Variants in RIPOR2 observed in about 807,000 individuals in gnomAD.
The protein encoded by RIPOR2 is rho family-interacting cell polarization regulator 2.
In RIPOR2, 39 loss-of-function variants were observed where a neutral mutation model predicts 114.5. That is an observed-to-expected ratio of 0.34 (90% CI 0.26 to 0.44). The LOEUF is 0.44. Among genes scored for constraint, RIPOR2 ranks in the 20% least tolerant of loss-of-function variants. The probability of loss-of-function intolerance (pLI) is 1.00; values close to 1 mark genes in which losing one functional copy is unlikely to be tolerated. For synonymous variants in RIPOR2, 445 were observed against 484.4 expected, an observed-to-expected ratio of 0.92 and a Z score of 1.07; for missense variants, 1,007 against 1,255.1, an observed-to-expected ratio of 0.80 and a Z score of 2.99.
chr6:24,873,063 T>G (rs904270458), intron 3 of RIPOR2, 104 bp from the exon 4 acceptor site: 4 of 772,828 alleles, frequency 5.2e-6, no homozygotes, highest in African/African-American at 5.1e-5. Flanking sequence ...GAATTGAACC[T>G]TGCTCTGTAG....
At chr6:24,952,811 T>C (rs542421157) in intron 1 of RIPOR2, among the ~76,000 whole-genome samples, 1 of 152,358 alleles carries the variant, frequency 6.6e-6, no homozygotes, top group South Asian at 2.1e-4. Flanking sequence ...ATGTATGCTG[T>C]TTGCTTTACA....
At position 24,873,690 on chromosome 6, in the gene RIPOR2, G is replaced by T; in HGVS notation, c.298C>A (p.Pro100Thr). 1 of 1,613,696 alleles carries T rather than the reference G, an allele frequency of 6.2e-7. No individual in the cohort carries two copies. The highest frequency in any genetic ancestry group is 8.5e-7 in the Non-Finnish European group (1 of 1,179,770). Residue 100 changes from proline to threonine, a missense_variant, in exon 3 of 22, where the codon CCT (proline) becomes ACT (threonine). Coordinates refer to ENST00000643898, the MANE Select transcript of RIPOR2 (RefSeq NM_001286445.3). ...KNNNPPKEPQ[P>T]KRVEEVYRAL... is the part of the protein sequence containing the mutation. Reference sequence around the variant, plus strand: ...CTGTAGACTTCTTCCACCCTTTTAGGCTGAGGCTCTTTGGGGGGATTGTTG... The same window carrying T: ...CTGTAGACTTCTTCCACCCTTTTAGTCTGAGGCTCTTTGGGGGGATTGTTG...
intron 1 of RIPOR2, among the ~76,000 whole-genome samples, chr6:24,895,539 A>T (rs1019815363): frequency 6.6e-6 from 1 of 152,196 alleles, no homozygotes; most frequent in Non-Finnish European, 1.5e-5. Context: ...TGTAAAGAAA[A>T]AAAAGGAGTC....
intron 1 of RIPOR2, among the ~76,000 whole-genome samples, chr6:25,006,677 C>T (rs1042597738): frequency 1.3e-5 from 2 of 152,282 alleles, no homozygotes; most frequent in East Asian, 3.9e-4. Flanking sequence ...CACCAAGTGG[C>T]CTTGCACAAG....
intron 1 of RIPOR2, among the ~76,000 whole-genome samples, chr6:24,927,182 T>TCACCACCACCACCACTACAACTACA (rs1350897331): frequency 9.3e-4 from 3 of 3,232 alleles, no homozygotes; most frequent in African/African-American, 6.7e-3. Flanking sequence ...ACCACCACCA[T>TCACCACCACCACCACTACAACTACA]GACCACCACC....
At chr6:25,023,088 CA>C (rs1776410419) in intron 1 of RIPOR2, among the ~76,000 whole-genome samples, 1 of 151,922 alleles carries the variant, frequency 6.6e-6, no homozygotes, top group Admixed American at 6.5e-5. Flanking sequence ...ACGACGTTTG[CA>C]GGCTTCAGGG....
At chr6:24,827,193 C>T (rs1456582860) in intron 18 of RIPOR2, among the ~76,000 whole-genome samples, 2 of 152,040 alleles carry the variant, frequency 1.3e-5, no homozygotes, top group African/African-American at 4.8e-5. Flanking sequence ...GTCTTTCTGC[C>T]CATGCTTTCT....
intron 1 of RIPOR2, among the ~76,000 whole-genome samples, chr6:24,922,018 A>T (rs1442489745): frequency 1.3e-5 from 2 of 151,714 alleles, no homozygotes; most frequent in Non-Finnish European, 2.9e-5. Context: ...TTTAGTAGAG[A>T]TGGAGTTTCA....
upstream of RIPOR2, among the ~76,000 whole-genome samples, chr6:24,940,401 CT>C (rs1213869937): frequency 6.6e-6 from 1 of 152,056 alleles, no homozygotes; most frequent in African/African-American, 2.4e-5. Context: ...ATACAAACTT[CT>C]GAACAGGGAG....
At chr6:24,921,378 G>A (rs975374596) in intron 1 of RIPOR2, among the ~76,000 whole-genome samples, 1 of 151,516 alleles carries the variant, frequency 6.6e-6, no homozygotes, top group African/African-American at 2.4e-5. Context: ...TGGCCAGGCC[G>A]GTCTCAAATA....
At chr6:24,932,860 T>C (rs1771508361) in intron 1 of RIPOR2, among the ~76,000 whole-genome samples, 1 of 152,216 alleles carries the variant, frequency 6.6e-6, no homozygotes, top group Non-Finnish European at 1.5e-5. Flanking sequence ...GCATGTTAAG[T>C]GAGCTGAAAG....
intron 17 of RIPOR2, among the ~76,000 whole-genome samples, chr6:24,829,126 A>C (rs1760445596): frequency 6.6e-6 from 1 of 151,524 alleles, no homozygotes. Context: ...CCAGCCTGGC[A>C]ACATGGCGGA....
intron 1 of RIPOR2, among the ~76,000 whole-genome samples, chr6:25,005,866 G>A (rs1353480783): frequency 6.6e-6 from 1 of 151,156 alleles, no homozygotes; most frequent in Non-Finnish European, 1.5e-5. Flanking sequence ...CTCCTGCCAT[G>A]GTGACTCACT....
intron 1 of RIPOR2, among the ~76,000 whole-genome samples, chr6:24,896,585 G>C (rs1199555222): frequency 1.3e-5 from 2 of 152,158 alleles, no homozygotes; most frequent in African/African-American, 4.8e-5. Context: ...CATAATATCA[G>C]GAGGTCAAAA....
intron 1 of RIPOR2, among the ~76,000 whole-genome samples, chr6:25,034,595 C>T (rs1435793222): frequency 6.6e-6 from 1 of 152,186 alleles, no homozygotes; most frequent in Non-Finnish European, 1.5e-5. Flanking sequence ...AACTTTTGGG[C>T]TCTTTAGATC....
intron 17 of RIPOR2, 40 bp downstream of exon 17, chr6:24,830,469 A>G: frequency 6.5e-7 from 1 of 1,532,534 alleles, no homozygotes; most frequent in Non-Finnish European, 8.8e-7. Flanking sequence ...CCACTCTCAC[A>G]CTGAAGGACA....
intron 1 of RIPOR2, among the ~76,000 whole-genome samples, chr6:24,984,311 T>G: frequency 6.6e-6 from 1 of 152,168 alleles, no homozygotes; most frequent in Non-Finnish European, 1.5e-5. Flanking sequence ...CATTAGTTCT[T>G]ACAGGTTTTG....
intron 1 of RIPOR2, among the ~76,000 whole-genome samples, chr6:24,969,928 T>C (rs532990676): frequency 9.9e-5 from 15 of 152,222 alleles, no homozygotes; most frequent in Non-Finnish European, 1.9e-4. Flanking sequence ...TGTTCACTGC[T>C]GTCTCCCCAG....
chr6:24,870,822 G>C (rs772933133), intron 5 of RIPOR2, 44 bp downstream of exon 5: 7 of 1,537,926 alleles, frequency 4.6e-6, no homozygotes, highest in Non-Finnish European at 6.3e-6. Flanking sequence ...CAAGGATGCA[G>C]AATTTTTTTC....
Sources: allele counts gnomAD v4.1 joint callset (sites outside exome capture counted in the v4.1 genomes callset), GRCh38; gene constraint gnomAD v4.1.1; transcripts MANE v1.5; gene names NCBI Gene and HGNC (gene_info 2026-07-23, HGNC 2026-07-21).